Variants in PDGFD observed in about 807,000 individuals in gnomAD.
The protein encoded by PDGFD is platelet derived growth factor D, also known as platelet-derived growth factor D.
Under a neutral mutation model 44.7 loss-of-function variants are expected in PDGFD, and 30 were observed. The observed-to-expected ratio is 0.67, with a 90% CI of 0.50 to 0.91. PDGFD has a LOEUF of 0.91. PDGFD is among the 40% of genes least tolerant of loss of function. PDGFD has a pLI of 0.00. For missense variants in PDGFD, 445 were observed against 457.8 expected (o/e 0.97, Z 0.25); for synonymous variants, 173 against 168.4 (o/e 1.03, Z -0.21).
At chr11:104,144,520 A>C (rs1193879242) in intron 1 of PDGFD, among the ~76,000 whole-genome samples, 8 of 145,686 alleles carry the variant, frequency 5.5e-5, no homozygotes, top group East Asian at 4.0e-4. Context: ...AAAAAAAAAA[A>C]AAAAAAAACC....
chr11:103,998,813 A>C (rs1859577212), intron 2 of PDGFD, among the ~76,000 whole-genome samples: 1 of 152,150 alleles, frequency 6.6e-6, no homozygotes, highest in Non-Finnish European at 1.5e-5. Context: ...TGAATAGGAC[A>C]AAACAAGCTG....
intron 1 of PDGFD, chr11:104,036,765 C>T (rs1860241164): frequency 2.1e-6 from 3 of 1,419,634 alleles, no homozygotes; most frequent in African/African-American, 2.8e-5. Flanking sequence ...AGGCCCGCCC[C>T]AGCCCGCCAG....
chr11:104,001,241 T>G (rs766821900), intron 1 of PDGFD, among the ~76,000 whole-genome samples: 39 of 152,194 alleles, frequency 2.6e-4, no homozygotes, highest in Non-Finnish European at 4.6e-4. Context: ...ACACCAAGAC[T>G]TGGGTGAGTT....
chr11:104,055,227 G>C (rs1343999166), intron 1 of PDGFD, among the ~76,000 whole-genome samples: 7 of 152,200 alleles, frequency 4.6e-5, no homozygotes. Flanking sequence ...TTATTGGAAG[G>C]AGCGCAGATG....
chr11:104,013,732 T>C (rs1218177800), intron 1 of PDGFD, among the ~76,000 whole-genome samples: 1 of 152,064 alleles, frequency 6.6e-6, no homozygotes, highest in African/African-American at 2.4e-5. Context: ...ACTTGTCTTT[T>C]TGTTTTTCAA....
chr11:103,921,402 G>A (rs571130193), intron 6 of PDGFD, among the ~76,000 whole-genome samples: 20 of 151,868 alleles, frequency 1.3e-4, no homozygotes, highest in African/African-American at 2.2e-4. Flanking sequence ...AATAACAGAC[G>A]TTTCAAACAT....
At chr11:103,941,976 C>T (rs1384926772) in intron 5 of PDGFD, among the ~76,000 whole-genome samples, 1 of 152,020 alleles carries the variant, frequency 6.6e-6, no homozygotes, top group Non-Finnish European at 1.5e-5. Flanking sequence ...CCAATCTGTG[C>T]CCTGGAGAGA....
intron 1 of PDGFD, among the ~76,000 whole-genome samples, chr11:104,074,311 T>C (rs1860922309): frequency 6.6e-6 from 1 of 152,194 alleles, no homozygotes; most frequent in Non-Finnish European, 1.5e-5. Context: ...GTTTTAAGCC[T>C]TTACACTATA....
At chr11:104,064,212 T>G (rs1249273610) in intron 1 of PDGFD, among the ~76,000 whole-genome samples, 1 of 152,238 alleles carries the variant, frequency 6.6e-6, no homozygotes, top group Non-Finnish European at 1.5e-5. Flanking sequence ...CATAAACACT[T>G]CATAGCCATC....
chr11:104,146,567 T>C (rs1862165179), intron 1 of PDGFD, among the ~76,000 whole-genome samples: 1 of 152,164 alleles, frequency 6.6e-6, no homozygotes, highest in African/African-American at 2.4e-5. Context: ...TTGTATGATG[T>C]GGGATGCCCT....
chr11:104,075,188 C>G (rs1158476646), intron 1 of PDGFD, among the ~76,000 whole-genome samples: 1 of 152,156 alleles, frequency 6.6e-6, no homozygotes, highest in Non-Finnish European at 1.5e-5. Context: ...CTATAATTTG[C>G]TCTCTTAAAA....
At chr11:103,939,173 A>C (rs916728050) in intron 5 of PDGFD, among the ~76,000 whole-genome samples, 28 of 152,172 alleles carry the variant, frequency 1.8e-4, no homozygotes, top group African/African-American at 3.4e-4. Context: ...GATATTGATT[A>C]TTCCTACCCA....
chr11:104,016,434 C>G (rs923157486), intron 1 of PDGFD, among the ~76,000 whole-genome samples: 4 of 152,242 alleles, frequency 2.6e-5, no homozygotes, highest in African/African-American at 4.8e-5. Flanking sequence ...AGCTTTCCCT[C>G]TGTCTCACTG....
At chr11:104,075,449 T>C (rs767342970) in intron 1 of PDGFD, among the ~76,000 whole-genome samples, 2 of 152,044 alleles carry the variant, frequency 1.3e-5, no homozygotes, top group Admixed American at 1.3e-4. Context: ...TGTTAGCTAA[T>C]AGAGACTGTA....
intron 5 of PDGFD, among the ~76,000 whole-genome samples, chr11:103,929,210 T>G (rs1858362965): frequency 6.6e-6 from 1 of 152,186 alleles, no homozygotes; most frequent in Non-Finnish European, 1.5e-5. Context: ...ATGGTAAAAC[T>G]GGAATTGAAG....
chr11:104,015,385 A>C (rs1176660608), intron 1 of PDGFD, among the ~76,000 whole-genome samples: 1 of 152,234 alleles, frequency 6.6e-6, no homozygotes, highest in East Asian at 1.9e-4. Context: ...CTCAGGTGTG[A>C]ACGAAGCTAC....
intron 1 of PDGFD, among the ~76,000 whole-genome samples, chr11:104,119,654 TATATAATTATATATCGA>T (rs1565341092): frequency 0.019 from 68 of 3,650 alleles, 4 homozygotes; most frequent in African/African-American, 0.02. Flanking sequence ...TTAATAGATA[TATATAATTATATATCGA>T]TATATATATC....
At chr11:104,163,005 C>G (rs1201375068) in intron 1 of PDGFD, among the ~76,000 whole-genome samples, 1 of 152,176 alleles carries the variant, frequency 6.6e-6, no homozygotes, top group Non-Finnish European at 1.5e-5. Context: ...GTCTCTGGAA[C>G]CAGTGACCCA....
Position 104,139,934 on chromosome 11 carries a change from C to T in PDGFD, c.124+23870G>A, listed in dbSNP as rs1862061962. ...AATTAGCCGGGCGCGGTGGCGGGCG[C>T]CTGTAGTCCCAGCTACTCGGGAGGC... On this transcript the variant is annotated intron_variant, in intron 1 of 6. Transcript: ENST00000393158. Among the ~76,000 whole-genome samples, 2 of 74,592 alleles carry T rather than the reference C, an allele frequency of 2.7e-5. 1 individual carries two copies. The highest frequency in any genetic ancestry group is 1.1e-3 in the East Asian group (2 of 1,900). The allele number at this position is 74,592 out of a possible 152,430, so 48.9% of individuals were successfully genotyped here.
Sources: gnomAD v4.1 joint callset for allele counts (sites outside exome capture counted in the v4.1 genomes callset) on GRCh38, gnomAD v4.1.1 for gene constraint, MANE v1.5 for transcripts, NCBI Gene and HGNC (gene_info 2026-07-23, HGNC 2026-07-21) for gene names.